The following ZNF532 variants were observed in gnomAD, a reference collection of about 807,000 sequenced individuals.
ZNF532 encodes zinc finger protein 532.
Under a neutral mutation model 89.3 loss-of-function variants are expected in ZNF532, and 22 were observed. The observed-to-expected ratio is 0.25, with a 90% CI of 0.18 to 0.35. The LOEUF (loss-of-function observed/expected upper bound fraction) is 0.35. ZNF532 is among the 10% of genes least tolerant of loss of function. ZNF532 has a pLI of 1.00. For synonymous variants in ZNF532, 606 were observed against 649.6 expected (o/e 0.93, Z 1.02); for missense variants, 1,132 against 1,643.4 (o/e 0.69, Z 5.38).
At chr18:58,889,804 G>C (rs1051979118) in intron 2 of ZNF532, among the ~76,000 whole-genome samples, 9 of 151,130 alleles carry the variant, frequency 6.0e-5, no homozygotes, top group African/African-American at 1.9e-4. Flanking sequence ...CCAAAATTTG[G>C]CTAGGCGCGG....
intron 2 of ZNF532, among the ~76,000 whole-genome samples, chr18:58,910,639 G>T (rs2060220581): frequency 6.6e-6 from 1 of 151,752 alleles, no homozygotes; most frequent in Non-Finnish European, 1.5e-5. Context: ...GCTAATTTTT[G>T]TATTTGTAGT....
intron 6 of ZNF532, among the ~76,000 whole-genome samples, chr18:58,951,643 G>GT (rs1229500489): frequency 3.4e-4 from 8 of 23,322 alleles, no homozygotes; most frequent in Admixed American, 6.5e-4. Context: ...CCCTCGCCCT[G>GT]TTGTTTTTTT....
chr18:58,930,113 A>G (rs1026578424), intron 3 of ZNF532, among the ~76,000 whole-genome samples: 6 of 152,186 alleles, frequency 3.9e-5, no homozygotes, highest in African/African-American at 7.2e-5. Context: ...TCTCACTCTC[A>G]TGTACCTCTC....
At chr18:58,876,493 C>T (rs1345181718) in intron 2 of ZNF532, among the ~76,000 whole-genome samples, 1 of 152,186 alleles carries the variant, frequency 6.6e-6, no homozygotes, top group Non-Finnish European at 1.5e-5. Context: ...TAGCAGGGAG[C>T]AGACATGGGG....
intron 2 of ZNF532, among the ~76,000 whole-genome samples, chr18:58,886,062 C>T (rs765125882): frequency 2.0e-5 from 3 of 152,000 alleles, no homozygotes; most frequent in East Asian, 3.9e-4. Flanking sequence ...CTGCAGCCTC[C>T]GCCTCCCAGG....
At chr18:58,915,750 C>G (rs2060559303) in intron 2 of ZNF532, among the ~76,000 whole-genome samples, 1 of 152,218 alleles carries the variant, frequency 6.6e-6, no homozygotes, top group Non-Finnish European at 1.5e-5. Flanking sequence ...GCCGACCACT[C>G]AAGTTTGGTT....
intron 7 of ZNF532, among the ~76,000 whole-genome samples, chr18:58,965,004 A>C (rs1361636030): frequency 6.7e-6 from 1 of 149,130 alleles, no homozygotes; most frequent in African/African-American, 2.4e-5. Context: ...ATACTATATA[A>C]ATCTATAATT....
At chr18:58,870,034 G>A (rs1246874874) in intron 2 of ZNF532, among the ~76,000 whole-genome samples, 2 of 150,084 alleles carry the variant, frequency 1.3e-5, no homozygotes, top group Admixed American at 6.6e-5. Context: ...CCAGAGTGCT[G>A]GGATTACAGG....
chr18:58,878,210 G>C (rs1194707275), intron 2 of ZNF532, among the ~76,000 whole-genome samples: 1 of 151,940 alleles, frequency 6.6e-6, no homozygotes, highest in African/African-American at 2.4e-5. Context: ...AGCTGAGATT[G>C]AGCCACTGCA....
intron 2 of ZNF532, among the ~76,000 whole-genome samples, chr18:58,910,737 A>G (rs1024920915): frequency 6.6e-6 from 1 of 152,146 alleles, no homozygotes; most frequent in Admixed American, 6.5e-5. Context: ...AGCCTCCCAA[A>G]GTGCTGGGAT....
chr18:58,915,232 G>A (rs986254532), intron 2 of ZNF532, among the ~76,000 whole-genome samples: 4 of 152,184 alleles, frequency 2.6e-5, no homozygotes, highest in South Asian at 2.1e-4. Flanking sequence ...GACACGATGC[G>A]CTTTCGGTTG....
rs1217060316 is a variant in ZNF532, at chr18:58,927,992, G to A, written c.2347-6441G>A. On this transcript the variant is annotated intron_variant, in intron 3 of 9. Coordinates refer to ENST00000591808, the MANE Select transcript of ZNF532 (RefSeq NM_001375912.1). ...TTACCTTTCACATCTGGTGGGCTGA[G>A]CCTCTTTTAAGACCTTAAGAACGTA... 2.0e-5 allele frequency among the ~76,000 whole-genome samples: 3 copies of A among 152,242 alleles called. No homozygotes were observed. In the East Asian group the frequency reaches 5.8e-4, roughly 29 times the overall value.
At chr18:58,891,398 C>T (rs185092901) in intron 2 of ZNF532, among the ~76,000 whole-genome samples, 5 of 152,258 alleles carry the variant, frequency 3.3e-5, no homozygotes, top group Admixed American at 2.6e-4. Context: ...GGCATCATGG[C>T]GCATGCCTGT....
At position 58,918,508 on chromosome 18, in the gene ZNF532, C is replaced by T; in HGVS notation, c.221C>T (p.Ser74Phe). ...AAGAATGTTCGGAACATTGACTCTT[C>T]CGAGGGCGGGGAGAAAGACGGCCAC... ...IVKNVRNIDS[S>F]EGGEKDGHNP... The change falls in exon 3 of 10, where the codon TCC (serine) becomes TTC (phenylalanine). Residue 74 changes from serine (S) to phenylalanine (F), a missense_variant. Physicochemically the swap from Ser to Phe is radical, Grantham distance 155 (BLOSUM62 -2). Coordinates refer to ENST00000591808, the MANE Select transcript of ZNF532 (RefSeq NM_001375912.1). The T allele has an allele frequency of 1.2e-6, 2 of 1,614,184 alleles. No individual in the cohort carries two copies.
intron 3 of ZNF532, chr18:58,931,773 C>CA (rs112922607): frequency 9.5e-4 from 121 of 127,510 alleles, no homozygotes; most frequent in Middle Eastern, 4.2e-3. Flanking sequence ...CCTGTCTGTA[C>CA]AAAAAAAAAA....
At chr18:58,913,725 T>C (rs1439389824) in intron 2 of ZNF532, among the ~76,000 whole-genome samples, 1 of 152,226 alleles carries the variant, frequency 6.6e-6, no homozygotes, top group East Asian at 1.9e-4. Context: ...AAGCAGACCT[T>C]GTATTATTAC....
At chr18:58,910,274 A>G (rs1313972272) in intron 2 of ZNF532, among the ~76,000 whole-genome samples, 1 of 152,166 alleles carries the variant, frequency 6.6e-6, no homozygotes, top group East Asian at 1.9e-4. Context: ...CTTTTTCATT[A>G]GCCTTACAAT....
In ZNF532 at chr18:58,877,091, CTG is replaced by C. The variant is rs1294931994; in HGVS notation, c.-18+11516_-18+11517del. Among the ~76,000 whole-genome samples the C allele has an allele frequency of 5.3e-5, 8 of 152,072 alleles. No individual in the cohort carries two copies. In the East Asian group the frequency reaches 1.5e-3, roughly 29 times the overall value. ...AAAAAAAAGCAGAAAAGAAAAGTGACTGTGTTTGGTTCACGGATTCAGTATCC... is the reference window on the plus strand; with the variant it reads ...AAAAAAAAGCAGAAAAGAAAAGTGACTGTTTGGTTCACGGATTCAGTATCC... On this transcript the variant is annotated intron_variant, in intron 2 of 9. Coordinates refer to ENST00000591808, the MANE Select transcript of ZNF532 (RefSeq NM_001375912.1).
Position 58,969,711 on chromosome 18 carries a change from ATGT to A in ZNF532, c.3151-9339_3151-9337del, listed in dbSNP as rs950418418. On this transcript the variant is annotated intron_variant, in intron 7 of 9. Transcript: ENST00000591808. ...TTTGTGTTTGCTTGTTTACTTTTTA[ATGT>A]TGTTAACACATTTTTTATTGATCTG... 7.2e-5 allele frequency among the ~76,000 whole-genome samples: 11 copies of A among 152,208 alleles called. No individual in the cohort carries two copies. The Middle Eastern group carries it at 0.01, about 141-fold the overall frequency.
Sources: allele counts gnomAD v4.1 joint callset (sites outside exome capture counted in the v4.1 genomes callset), GRCh38; gene constraint gnomAD v4.1.1; transcripts MANE v1.5; gene names NCBI Gene and HGNC (gene_info 2026-07-23, HGNC 2026-07-21).